Variants in ZBTB7C observed in about 807,000 individuals in gnomAD.
The protein encoded by ZBTB7C is zinc finger and BTB domain containing 7C.
ZBTB7C carries 8 observed loss-of-function variants against 25.7 expected under a neutral mutation model. The ratio of observed to expected loss-of-function variants is 0.31; its 90% CI spans 0.18 to 0.56. The LOEUF (loss-of-function observed/expected upper bound fraction) is 0.56. ZBTB7C is among the 20% of genes least tolerant of loss of function. ZBTB7C has a pLI of 0.91. For missense variants in ZBTB7C, 824 were observed against 855.2 expected, an observed-to-expected ratio of 0.96 and a Z score of 0.46; for synonymous variants, 394 against 369.0, an observed-to-expected ratio of 1.07 and a Z score of -0.78.
Position 48,409,207 on chromosome 18 carries a change from G to GGC in ZBTB7C, c.-304+17_-304+18dup, listed in dbSNP as rs1491531285. 3 of 149,392 alleles carry GGC rather than the reference G, an allele frequency of 2.0e-5. No homozygotes were observed. The highest frequency in any genetic ancestry group is 4.5e-5 in the Non-Finnish European group (3 of 67,112). The allele number at this position is 149,392 out of a possible 1,614,324, so 9.3% of individuals were successfully genotyped here. A position where few individuals can be genotyped will look rare whatever the true frequency, so the allele number is the denominator to read the frequency against. On this transcript the variant is annotated intron_variant, in intron 1 of 4. Transcript: ENST00000590800. The stretch of plus-strand genomic sequence containing the variant: ...ACCCCGGCAGCCGGCGCCCGAGCCC[G>GGC]GCGCGCGAAGCCGCTCACCTCCGCG...
chr18:48,322,362 A>G (rs1286763623), intron 2 of ZBTB7C, among the ~76,000 whole-genome samples: 1 of 152,142 alleles, frequency 6.6e-6, no homozygotes, highest in Non-Finnish European at 1.5e-5. Flanking sequence ...GTCTGGGACA[A>G]TCCCAGACCT....
intron 3 of ZBTB7C, among the ~76,000 whole-genome samples, chr18:48,093,566 GTGA>G (rs2038499842): frequency 6.6e-6 from 1 of 152,088 alleles, no homozygotes; most frequent in South Asian, 2.1e-4. Context: ...AGCTATGTAA[GTGA>G]CTGCCTATTC....
At chr18:48,199,752 C>T (rs2042394069) in intron 2 of ZBTB7C, among the ~76,000 whole-genome samples, 1 of 151,948 alleles carries the variant, frequency 6.6e-6, no homozygotes, top group African/African-American at 2.4e-5. Context: ...ACTTCACCAC[C>T]ATTTATAGTT....
At chr18:48,296,935 T>G (rs1171951007) in intron 2 of ZBTB7C, among the ~76,000 whole-genome samples, 2 of 152,210 alleles carry the variant, frequency 1.3e-5, no homozygotes, top group African/African-American at 2.4e-5. Flanking sequence ...AAACCCCGTC[T>G]CTACTAAAAG....
intron 2 of ZBTB7C, among the ~76,000 whole-genome samples, chr18:48,209,756 TAAA>T (rs144890708): frequency 4.9e-5 from 7 of 142,084 alleles, no homozygotes; most frequent in Non-Finnish European, 4.6e-5. Flanking sequence ...TCTTGTCTCT[TAAA>T]AAAAAAAAAA....
At chr18:48,272,182 A>G (rs771834601) in intron 2 of ZBTB7C, among the ~76,000 whole-genome samples, 1 of 152,238 alleles carries the variant, frequency 6.6e-6, no homozygotes, top group Non-Finnish European at 1.5e-5. Flanking sequence ...TAACATTTGA[A>G]TCAGTAGACT....
upstream of ZBTB7C, among the ~76,000 whole-genome samples, chr18:48,410,332 A>T (rs1230672576): frequency 1.3e-5 from 2 of 151,912 alleles, no homozygotes; most frequent in African/African-American, 2.4e-5. Context: ...CGCACCCCAC[A>T]CGCCGGGGAG....
chr18:48,113,152 T>C (rs1381342836), intron 3 of ZBTB7C, among the ~76,000 whole-genome samples: 1 of 152,214 alleles, frequency 6.6e-6, no homozygotes, highest in African/African-American at 2.4e-5. Context: ...CATTTTGTTG[T>C]GGACAGGAGC....
chr18:48,410,733 CTTGG>C (rs2048376634), upstream of ZBTB7C: 1 of 152,384 alleles, frequency 6.6e-6, no homozygotes, highest in East Asian at 1.9e-4. Flanking sequence ...CCTCGCCCTC[CTTGG>C]TAGTACATCG....
At chr18:48,091,814 T>C (rs1455126054) in intron 3 of ZBTB7C, among the ~76,000 whole-genome samples, 2 of 152,176 alleles carry the variant, frequency 1.3e-5, no homozygotes, top group Non-Finnish European at 2.9e-5. Flanking sequence ...AAGGTGCCAC[T>C]TCATCATTGT....
intron 4 of ZBTB7C, among the ~76,000 whole-genome samples, chr18:48,036,481 C>T (rs1289366019): frequency 1.3e-5 from 2 of 152,028 alleles, no homozygotes; most frequent in African/African-American, 2.4e-5. Context: ...TGGGGTGGGG[C>T]GGGGAGGGTG....
chr18:48,115,400 C>T (rs2039396849), intron 3 of ZBTB7C, among the ~76,000 whole-genome samples: 1 of 140,636 alleles, frequency 7.1e-6, no homozygotes, highest in South Asian at 2.4e-4. Flanking sequence ...AGGCACCCGC[C>T]ACCGCACCTA....
intron 2 of ZBTB7C, among the ~76,000 whole-genome samples, chr18:48,323,202 A>C (rs1220616185): frequency 6.6e-6 from 1 of 152,184 alleles, no homozygotes. Context: ...AATTGAAAGA[A>C]AATATCAATT....
At chr18:48,276,127 C>A (rs374715814) in intron 2 of ZBTB7C, among the ~76,000 whole-genome samples, 9 of 152,170 alleles carry the variant, frequency 5.9e-5, no homozygotes, top group African/African-American at 2.2e-4. Context: ...GATTTTATAA[C>A]CTGAGGTGGC....
chr18:48,372,883 A>G (rs2047421186), intron 1 of ZBTB7C, among the ~76,000 whole-genome samples: 1 of 152,138 alleles, frequency 6.6e-6, no homozygotes, highest in Non-Finnish European at 1.5e-5. Context: ...TGTGTCTGGC[A>G]AACTGGCAAT....
At chr18:48,106,767 C>A (rs920316821) in intron 3 of ZBTB7C, among the ~76,000 whole-genome samples, 2 of 151,634 alleles carry the variant, frequency 1.3e-5, no homozygotes, top group African/African-American at 2.4e-5. Flanking sequence ...CAGAGAGAAC[C>A]ACCAGCTTGC....
At position 48,330,879 on chromosome 18, in the gene ZBTB7C, G is replaced by GT. The variant is rs2144909029; in HGVS notation, c.-79+7294dup. Among the ~76,000 whole-genome samples, 2 of 152,220 alleles carry GT rather than the reference G, an allele frequency of 1.3e-5. 1 individual carries two copies. Among genetic ancestry groups the GT allele is most frequent in the South Asian group, 4.2e-4 (2 of 4,816 alleles). ...CAGATAGCATTGAAATCCAAACAAG[G>GT]TTTATGTGCTCAGCTGCAGAATGTG... On this transcript the variant is annotated intron_variant, in intron 2 of 4. Coordinates refer to ENST00000590800, the MANE Select transcript of ZBTB7C (RefSeq NM_001318841.2).
intron 3 of ZBTB7C, among the ~76,000 whole-genome samples, chr18:48,094,171 A>G (rs1281820742): frequency 6.6e-6 from 1 of 152,248 alleles, no homozygotes; most frequent in African/African-American, 2.4e-5. Flanking sequence ...TGCTGTCCCA[A>G]AGTCAGATGG....
Position 48,230,431 on chromosome 18 carries a change from G to A in ZBTB7C, c.-78-44436C>T, listed in dbSNP as rs189678735. Among the ~76,000 whole-genome samples, 21 of 149,178 alleles carry A rather than the reference G, an allele frequency of 1.4e-4. No individual in the cohort carries two copies. The East Asian group carries it at 3.9e-3, about 28-fold the overall frequency. ...GAATCCCTGTGTATTCCTTTTCCTT[G>A]CTCCTCAGTTTCCCCTAAAAAAATA... On this transcript the variant is annotated intron_variant, in intron 2 of 4. Transcript: ENST00000590800.
Sources: allele counts gnomAD v4.1 joint callset (sites outside exome capture counted in the v4.1 genomes callset), GRCh38; gene constraint gnomAD v4.1.1; transcripts MANE v1.5; gene names NCBI Gene and HGNC (gene_info 2026-07-23, HGNC 2026-07-21).